KDM2B: variants seen among roughly 807,000 people sequenced by gnomAD.
KDM2B encodes the protein lysine-specific demethylase 2B.
Under a neutral mutation model 150.0 loss-of-function variants are expected in KDM2B, and 26 were observed. The observed-to-expected ratio is 0.17, with a 90% CI of 0.13 to 0.24. The LOEUF is 0.24. KDM2B is among the 10% of genes least tolerant of loss of function. KDM2B has a pLI of 1.00. For synonymous variants in KDM2B, 734 were observed against 729.5 expected, an observed-to-expected ratio of 1.01 and a Z score of -0.10; for missense variants, 1,265 against 1,816.9, an observed-to-expected ratio of 0.70 and a Z score of 5.52.
rs149545681 is a variant in KDM2B, at chr12:121,557,955, C to T, written c.398-8317G>A. On this transcript the variant is annotated intron_variant, in intron 4 of 22. Coordinates refer to ENST00000377071, the MANE Select transcript of KDM2B (RefSeq NM_032590.5). ...CCCAGAGCCTGGTATAAGCGGATCACGGGGCCAACACCTTCTATAACGAAA... is the reference window on the plus strand; with the variant it reads ...CCCAGAGCCTGGTATAAGCGGATCATGGGGCCAACACCTTCTATAACGAAA... Among the ~76,000 whole-genome samples the T allele has an allele frequency of 1.8e-4, 28 of 152,282 alleles. 1 individual carries two copies. In the East Asian group the frequency reaches 4.6e-3, roughly 25 times the overall value.
At position 121,430,351 on chromosome 12, in the gene KDM2B, G is replaced by C; in HGVS notation, c.3948C>G (p.Ala1316=). 1 of 1,613,988 alleles carries C rather than the reference G, an allele frequency of 6.2e-7. No homozygotes were observed. The highest frequency in any genetic ancestry group is 8.5e-7 in the Non-Finnish European group (1 of 1,179,982). ...CAAACTGGACACTCACAGACATCTCGGCTATGAACTGCTCACAGCCTTCCT... is the reference window on the plus strand; with the variant it reads ...CAAACTGGACACTCACAGACATCTCCGCTATGAACTGCTCACAGCCTTCCT... ...VTKEGCEQFI[A]EMSVSVQFGQ... Residue 1316 remains alanine, a synonymous_variant, in exon 23 of 23, where the codon GCC becomes GCG. Coordinates refer to ENST00000377071, the MANE Select transcript of KDM2B (RefSeq NM_032590.5). This position sits in a 1 kb window ranked among gnomAD's most constrained non-coding sequence, Gnocchi z 4.4.
In KDM2B at chr12:121,533,761, C is replaced by T. The variant is rs983020734; in HGVS notation, c.777+736G>A. Among the ~76,000 whole-genome samples the T allele has an allele frequency of 5.3e-5, 8 of 152,232 alleles. No individual in the cohort carries two copies. Among genetic ancestry groups the T allele is most frequent in the South Asian group, 4.1e-4 (2 of 4,824 alleles). On this transcript the variant is annotated intron_variant, in intron 7 of 22. Transcript: ENST00000377071. This position sits in a 1 kb window ranked among gnomAD's most constrained non-coding sequence, Gnocchi z 4.1. ...GCAGGCCTGCATGGGTGACTAGATGCGATGTAAAAGGGCTGAACTTGACCT... is the reference window on the plus strand; with the variant it reads ...GCAGGCCTGCATGGGTGACTAGATGTGATGTAAAAGGGCTGAACTTGACCT...
intron 8 of KDM2B, among the ~76,000 whole-genome samples, chr12:121,529,305 AAAC>A (rs1190600386): frequency 6.6e-6 from 1 of 152,218 alleles, no homozygotes; most frequent in Non-Finnish European, 1.5e-5. Context: ...AAGTCTTCCT[AAAC>A]CATCAGCATC....
chr12:121,487,248 G>T (rs1202295186), intron 12 of KDM2B, among the ~76,000 whole-genome samples: 1 of 152,212 alleles, frequency 6.6e-6, no homozygotes, highest in African/African-American at 2.4e-5. Flanking sequence ...TTTTTCTGCT[G>T]TTGATGTTGT....
rs1555305900 is a variant in KDM2B, at chr12:121,521,182, C to T, written c.932-82G>A. ...CTCACAAGGCTGCAGGGAGGGAGAG[C>T]GAGCGTGCAGGAGGGTGCAGGGAGT... On this transcript the variant is annotated intron_variant, in intron 8 of 22. Transcript: ENST00000377071. The surrounding 1 kb of genome is among the most constrained non-coding windows in gnomAD (Gnocchi z 4.9). 46 of 963,886 alleles carry T rather than the reference C, an allele frequency of 4.8e-5. 1 individual carries two copies. The highest frequency in any genetic ancestry group is 1.9e-5 in the Admixed American group (1 of 51,858). 59.7% of individuals were successfully genotyped at this position (963,886 alleles called of 1,614,324 possible). A position where few individuals can be genotyped will look rare whatever the true frequency, so the allele number is the denominator to read the frequency against.
intron 11 of KDM2B, among the ~76,000 whole-genome samples, chr12:121,505,116 CAAA>C (rs781886793): frequency 2.5e-5 from 2 of 79,518 alleles, no homozygotes; most frequent in Admixed American, 1.4e-4. Context: ...GACTCTGTCT[CAAA>C]AAAAAAAAAA....
At chr12:121,570,251 C>G (rs1890999829) in intron 4 of KDM2B, among the ~76,000 whole-genome samples, 1 of 151,982 alleles carries the variant, frequency 6.6e-6, no homozygotes, top group Non-Finnish European at 1.5e-5. Flanking sequence ...AGGGTTTCAC[C>G]ATGTTGACCA....
intron 12 of KDM2B, among the ~76,000 whole-genome samples, chr12:121,479,245 C>A (rs1421348520): frequency 2.6e-5 from 4 of 151,720 alleles, no homozygotes; most frequent in African/African-American, 9.7e-5. Flanking sequence ...GTCAGAAGAT[C>A]GAGACCATCC....
Position 121,521,667 on chromosome 12 carries a change from C to T in KDM2B, c.932-567G>A, listed in dbSNP as rs566763562. On this transcript the variant is annotated intron_variant, in intron 8 of 22. Coordinates refer to ENST00000377071, the MANE Select transcript of KDM2B (RefSeq NM_032590.5). The surrounding 1 kb of genome is among the most constrained non-coding windows in gnomAD (Gnocchi z 4.9). ...CCATGTGGTCTCCTTGGTCACACAACGCCTGCATGCCCCCCTCAGCTCTGC... is the reference window on the plus strand; with the variant it reads ...CCATGTGGTCTCCTTGGTCACACAATGCCTGCATGCCCCCCTCAGCTCTGC... Among the ~76,000 whole-genome samples the T allele has an allele frequency of 2.1e-4, 32 of 152,296 alleles. No individual in the cohort carries two copies. Among genetic ancestry groups the T allele is most frequent in the African/African-American group, 6.0e-4 (25 of 41,560 alleles).
At chr12:121,435,894 G>A (rs782348083) in intron 22 of KDM2B, among the ~76,000 whole-genome samples, 4 of 152,090 alleles carry the variant, frequency 2.6e-5, no homozygotes, top group South Asian at 4.2e-4. Flanking sequence ...CTCCAACCGC[G>A]TGCCCAGAGC....
intron 6 of KDM2B, among the ~76,000 whole-genome samples, chr12:121,541,187 G>C (rs1222446354): frequency 4.0e-5 from 6 of 151,318 alleles, no homozygotes; most frequent in Non-Finnish European, 5.9e-5. Context: ...AGCAGAGCTC[G>C]CACCATTGCA....
chr12:121,440,470 A>G, intron 21 of KDM2B: 1 of 380,152 alleles, frequency 2.6e-6, no homozygotes, highest in Non-Finnish European at 4.8e-6. Flanking sequence ...ATGGCAGTGG[A>G]GGCTTGAAAC....
intron 12 of KDM2B, among the ~76,000 whole-genome samples, chr12:121,463,675 C>A (rs114306829): frequency 2.0e-5 from 3 of 152,260 alleles, no homozygotes; most frequent in Admixed American, 6.5e-5. Context: ...CGAACTCCTG[C>A]GCTCAAGCAA....
At chr12:121,416,469 T>C in the KDM2B span, 1 of 894,300 alleles carries the variant, frequency 1.1e-6, no homozygotes, top group South Asian at 1.5e-5. Flanking sequence ...TTCATTTCTG[T>C]TTATAAAAAT....
At chr12:121,523,490 C>T (rs1457902495) in intron 8 of KDM2B, among the ~76,000 whole-genome samples, 6 of 152,234 alleles carry the variant, frequency 3.9e-5, no homozygotes, top group African/African-American at 1.4e-4. Context: ...AGGAAAATTA[C>T]AGCGACTGCC....
chr12:121,440,491 C>A, intron 21 of KDM2B: 1 of 383,800 alleles, frequency 2.6e-6, no homozygotes, highest in Non-Finnish European at 4.8e-6. Flanking sequence ...CAACGAGGGG[C>A]AAGTCAACAG....
chr12:121,440,856 C>T lies in KDM2B; in HGVS notation c.3570G>A (p.Gln1190=), dbSNP rs1064951. 620,548 of 1,613,502 alleles carry T rather than the reference C, an allele frequency of 0.38. 122,599 individuals are homozygous for T. The highest frequency in any genetic ancestry group is 0.44 in the Admixed American group (26,566 of 59,974). ...TGGGCGGGGACAGGAGATCCCGCAT[C>T]TGGGCATCCTTTAGTCCCTCCACCC... ...VQWVEGLKDA[Q]MRDLLSPPTD... Residue 1190 remains glutamine (Q), a synonymous_variant, in exon 21 of 23, where the codon CAG becomes CAA. Transcript: ENST00000377071.
chr12:121,542,843 T>G (rs868935234), intron 6 of KDM2B, among the ~76,000 whole-genome samples: 1 of 152,206 alleles, frequency 6.6e-6, no homozygotes, highest in African/African-American at 2.4e-5. Flanking sequence ...CTTTCCTGTC[T>G]CTTTTTTCCC....
At chr12:121,492,568 A>C (rs1555300127) in intron 12 of KDM2B, among the ~76,000 whole-genome samples, 1 of 151,876 alleles carries the variant, frequency 6.6e-6, no homozygotes, top group Non-Finnish European at 1.5e-5. Flanking sequence ...TTGGCCTCTC[A>C]AAGTACTGGG....
Sources: gnomAD v4.1 joint callset for allele counts (sites outside exome capture counted in the v4.1 genomes callset) on GRCh38, gnomAD v4.1.1 for gene constraint, Gnocchi (gnomAD v3.1) non-coding constraint, MANE v1.5 for transcripts, NCBI Gene and HGNC (gene_info 2026-07-23, HGNC 2026-07-21) for gene names.